ATRN: variants seen among roughly 807,000 people sequenced by gnomAD.
ATRN encodes the protein attractin-2.
Under a neutral mutation model 178.7 loss-of-function variants are expected in ATRN, and 54 were observed. The ratio of observed to expected loss-of-function variants is 0.30; its 90% CI spans 0.24 to 0.38. The LOEUF is 0.38. Among genes scored for constraint, ATRN ranks in the 10% least tolerant of loss-of-function variants. The probability of loss-of-function intolerance (pLI) is 1.00; values close to 1 mark genes in which losing one functional copy is unlikely to be tolerated. For missense variants in ATRN, 1,443 were observed against 1,815.1 expected (o/e 0.79, Z 3.73); for synonymous variants, 636 against 663.0 (o/e 0.96, Z 0.63).
chr20:3,587,476 GA>G (rs747006778), intron 18 of ATRN, among the ~76,000 whole-genome samples: 1 of 54,990 alleles, frequency 1.8e-5, no homozygotes, highest in Admixed American at 2.1e-4. Flanking sequence ...TTGTTGAAAA[GA>G]TTTTTTTTTT....
intron 4 of ATRN, 121 bp downstream of exon 4, chr20:3,546,011 T>G: frequency 9.0e-7 from 1 of 1,111,682 alleles, no homozygotes; most frequent in South Asian, 1.5e-5. Flanking sequence ...TTACATGGAT[T>G]TTCTCATTTA....
chr20:3,612,560 C>T (rs919012735), intron 24 of ATRN, among the ~76,000 whole-genome samples: 20 of 152,056 alleles, frequency 1.3e-4, no homozygotes, highest in African/African-American at 3.4e-4. Flanking sequence ...GCAGGGGTTT[C>T]GGTAGTTTCT....
At chr20:3,592,441 C>G (rs1183198995) in intron 19 of ATRN, 1 of 984,112 alleles carries the variant, frequency 1.0e-6, no homozygotes, top group Admixed American at 6.2e-5. Flanking sequence ...CTGTGTTTCC[C>G]CATTTATGTC....
At chr20:3,500,281 C>G (rs1431174198) in intron 1 of ATRN, among the ~76,000 whole-genome samples, 2 of 152,158 alleles carry the variant, frequency 1.3e-5, no homozygotes, top group African/African-American at 4.8e-5. Flanking sequence ...TATGGTGATT[C>G]CTCAGGGATC....
chr20:3,480,705 A>G (rs2084607291), intron 1 of ATRN, among the ~76,000 whole-genome samples: 1 of 152,190 alleles, frequency 6.6e-6, no homozygotes, highest in Non-Finnish European at 1.5e-5. Flanking sequence ...CAAGATGGGC[A>G]GATGCTTTTT....
Position 3,471,090 on chromosome 20 carries a change from C to T in ATRN, c.-18C>T, listed in dbSNP as rs1359944427. The T allele has an allele frequency of 5.3e-6, 8 of 1,507,484 alleles. No individual in the cohort carries two copies. In the Admixed American group the frequency reaches 1.2e-4, roughly 23 times the overall value. 93.4% of individuals were successfully genotyped at this position (1,507,484 alleles called of 1,614,324 possible). ...GTGTGTGTATGTGTTCGCGGGGCGC[C>T]GTCTCAGCCCCGGGAAGATGGTGGC... On this transcript the variant is annotated 5_prime_UTR_variant, in exon 1 of 29. Coordinates refer to ENST00000262919, the MANE Select transcript of ATRN (RefSeq NM_139321.3).
At chr20:3,634,034 T>C (rs759954081) in intron 25 of ATRN, among the ~76,000 whole-genome samples, 3 of 152,224 alleles carry the variant, frequency 2.0e-5, no homozygotes, top group Non-Finnish European at 4.4e-5. Flanking sequence ...GATAAGCCAC[T>C]GTGGGCCATT....
At chr20:3,566,927 A>G (rs2628478) in intron 11 of ATRN, among the ~76,000 whole-genome samples, 9,925 of 134,384 alleles carry the variant, frequency 0.074, 546 homozygotes, top group Non-Finnish European at 0.11. Flanking sequence ...AAAAAAAAGG[A>G]AAAGTGAGAA....
intron 20 of ATRN, among the ~76,000 whole-genome samples, chr20:3,595,355 C>T (rs2086513691): frequency 1.3e-5 from 2 of 152,316 alleles, no homozygotes; most frequent in South Asian, 4.1e-4. Flanking sequence ...TGTCAAAACA[C>T]TGAGCTGATT....
chr20:3,475,676 A>C (rs2084517315), intron 1 of ATRN, among the ~76,000 whole-genome samples: 1 of 152,212 alleles, frequency 6.6e-6, no homozygotes, highest in South Asian at 2.1e-4. Context: ...TCATTTTTGA[A>C]TTTAATATTC....
At chr20:3,629,148 A>G in intron 25 of ATRN, 1 of 985,128 alleles carries the variant, frequency 1.0e-6, no homozygotes, top group South Asian at 4.7e-5. Flanking sequence ...CCACCCCACC[A>G]ACCCTAGCAT....
In ATRN at chr20:3,532,430, C is replaced by T. The variant is rs148903261; in HGVS notation, c.411-2823C>T. On this transcript the variant is annotated intron_variant, in intron 1 of 28. Transcript: ENST00000262919. ...CTTTGCATTCCTTTGATTTGTCATTCTTGGTGTTGGCTTTGTGTTCAGGCA... is the reference window on the plus strand; with the variant it reads ...CTTTGCATTCCTTTGATTTGTCATTTTTGGTGTTGGCTTTGTGTTCAGGCA... Among the ~76,000 whole-genome samples, 38 of 152,256 alleles carry T rather than the reference C, an allele frequency of 2.5e-4. 1 individual carries two copies. The East Asian group carries it at 7.1e-3, about 29-fold the overall frequency.
chr20:3,633,625 C>G, intron 25 of ATRN, among the ~76,000 whole-genome samples: 1 of 152,144 alleles, frequency 6.6e-6, no homozygotes, highest in East Asian at 1.9e-4. Flanking sequence ...CTTATTCTTC[C>G]TTTTAACCGC....
chr20:3,566,961 T>G (rs1283599914), intron 11 of ATRN, among the ~76,000 whole-genome samples: 2 of 150,782 alleles, frequency 1.3e-5, no homozygotes, highest in African/African-American at 4.9e-5. Flanking sequence ...GGAGATGTTG[T>G]GAAGGAAGAG....
In ATRN at chr20:3,491,398, C is replaced by T. The variant is rs2084792131; in HGVS notation, c.410+19881C>T. ...TGTCTTACTAAACTTCATAACGTTT[C>T]ACTGCTTCCTTTTTGAAAACTTGCT... is the stretch of plus-strand genomic sequence containing the variant. On this transcript the variant is annotated intron_variant, in intron 1 of 28. Coordinates refer to ENST00000262919, the MANE Select transcript of ATRN (RefSeq NM_139321.3). 2.0e-5 allele frequency among the ~76,000 whole-genome samples: 3 copies of T among 152,206 alleles called. No homozygotes were observed. The South Asian group carries it at 6.2e-4, about 31-fold the overall frequency.
intron 25 of ATRN, chr20:3,629,394 C>G (rs1302906224): frequency 1.3e-6 from 1 of 754,560 alleles, no homozygotes; most frequent in African/African-American, 1.9e-5. Flanking sequence ...CAAGCTCTTT[C>G]CCTACACTGA....
chr20:3,491,826 G>A (rs760577461), intron 1 of ATRN, among the ~76,000 whole-genome samples: 4 of 152,142 alleles, frequency 2.6e-5, no homozygotes, highest in Admixed American at 6.6e-5. Context: ...GTGGGTAGAA[G>A]CAAGATTGTG....
chr20:3,612,610 T>A (rs1236853388), intron 24 of ATRN, among the ~76,000 whole-genome samples: 2 of 152,178 alleles, frequency 1.3e-5, no homozygotes, highest in Non-Finnish European at 2.9e-5. Flanking sequence ...CCAGTCAGTA[T>A]AATTTCAGTT....
chr20:3,541,979 C>T (rs1002880675), intron 3 of ATRN, among the ~76,000 whole-genome samples: 1 of 152,144 alleles, frequency 6.6e-6, no homozygotes, highest in Admixed American at 6.5e-5. Context: ...GACTGTTGTG[C>T]CCTCGTGTTT....
Sources: gnomAD v4.1 joint callset for allele counts (sites outside exome capture counted in the v4.1 genomes callset) on GRCh38, gnomAD v4.1.1 for gene constraint, MANE v1.5 for transcripts, NCBI Gene and HGNC (gene_info 2026-07-23, HGNC 2026-07-21) for gene names.